PRIM2: variants seen among roughly 807,000 people sequenced by gnomAD.
PRIM2 encodes the protein DNA primase subunit 2, also known as DNA primase large subunit.
In PRIM2, 39 loss-of-function variants were observed where a neutral mutation model predicts 67.3. The observed-to-expected ratio is 0.58, with a 90% CI of 0.45 to 0.76. The LOEUF (loss-of-function observed/expected upper bound fraction) is 0.76. Ranked by LOEUF, PRIM2 falls within the 30% of genes least tolerant of loss-of-function variation. The probability of loss-of-function intolerance (pLI) is 0.00; values close to 1 mark genes in which losing one functional copy is unlikely to be tolerated. For missense variants in PRIM2, 398 were observed against 598.7 expected, an observed-to-expected ratio of 0.66 and a Z score of 3.50; for synonymous variants, 143 against 198.7, an observed-to-expected ratio of 0.72 and a Z score of 2.36.
intron 5 of PRIM2, among the ~76,000 whole-genome samples, chr6:57,341,877 G>C (rs1015825061): frequency 6.6e-6 from 1 of 152,188 alleles, no homozygotes; most frequent in African/African-American, 2.4e-5. Flanking sequence ...ACAGAAGCTG[G>C]ATTGTTGGCA....
chr6:57,399,757 A>C (rs1770643080), intron 7 of PRIM2, among the ~76,000 whole-genome samples: 2 of 151,216 alleles, frequency 1.3e-5, no homozygotes, highest in Non-Finnish European at 3.0e-5. Flanking sequence ...ATGGTATCTC[A>C]TTGTGGTTTT....
intron 6 of PRIM2, 58 bp downstream of exon 6, chr6:57,380,054 A>G (rs1450254244): frequency 3.6e-6 from 5 of 1,382,334 alleles, no homozygotes; most frequent in Non-Finnish European, 5.0e-6. Flanking sequence ...ATTGAGCTTT[A>G]TATACATATT....
the PRIM2 span, among the ~76,000 whole-genome samples, chr6:57,293,316 C>T: frequency 1.7e-4 from 26 of 152,084 alleles, 1 homozygote; most frequent in Admixed American, 5.2e-4. Flanking sequence ...GAATGGCAAT[C>T]ATGAAAAAGT....
chr6:57,479,871 A>T (rs1773572613), intron 7 of PRIM2, among the ~76,000 whole-genome samples: 3 of 152,226 alleles, frequency 2.0e-5, no homozygotes, highest in Admixed American at 2.0e-4. Context: ...TGAAGTCTGA[A>T]GGGAAGCTAA....
chr6:57,633,337 G>T (rs1777065501), intron 13 of PRIM2, among the ~76,000 whole-genome samples: 1 of 152,144 alleles, frequency 6.6e-6, no homozygotes, highest in African/African-American at 2.4e-5. Flanking sequence ...TATTTTTCCA[G>T]AGTCCATGTT....
chr6:57,380,001 G>A lies in PRIM2; in HGVS notation c.555+5G>A, dbSNP rs868623497. 1.3e-6 allele frequency: 2 copies of A among 1,545,464 alleles called. No individual in the cohort carries two copies. Among genetic ancestry groups the A allele is most frequent in the African/African-American group, 2.7e-5 (2 of 72,750 alleles). On this transcript the variant is annotated splice_donor_5th_base_variant and intron_variant, in intron 6 of 13. Coordinates refer to ENST00000615550, the MANE Select transcript of PRIM2 (RefSeq NM_000947.5). ...GGGTTCGAGTCCATTTATAAGGTATGTAAACATGTAAAATACTTCCTAGGT... is the reference window on the plus strand; with the variant it reads ...GGGTTCGAGTCCATTTATAAGGTATATAAACATGTAAAATACTTCCTAGGT...
intron 10 of PRIM2, among the ~76,000 whole-genome samples, chr6:57,585,612 C>A (rs1489972368): frequency 1.3e-5 from 2 of 151,994 alleles, no homozygotes; most frequent in African/African-American, 4.8e-5. Flanking sequence ...TGCAGGGATG[C>A]GGAATTTGAT....
At chr6:57,227,896 G>C in the PRIM2 span, among the ~76,000 whole-genome samples, 1 of 152,096 alleles carries the variant, frequency 6.6e-6, no homozygotes, top group African/African-American at 2.4e-5. Context: ...TGTTCTACTT[G>C]TGCTAATACT....
chr6:57,509,422 C>G (rs1342977887), intron 8 of PRIM2, among the ~76,000 whole-genome samples: 1 of 152,224 alleles, frequency 6.6e-6, no homozygotes, highest in Non-Finnish European at 1.5e-5. Flanking sequence ...AATTTTATCT[C>G]TTGAGTATAT....
chr6:57,412,779 A>G (rs2127365246), intron 7 of PRIM2, among the ~76,000 whole-genome samples: 1 of 152,242 alleles, frequency 6.6e-6, no homozygotes, highest in Non-Finnish European at 1.5e-5. Context: ...ATATGGGAAA[A>G]CAAGTTCCTG....
intron 7 of PRIM2, among the ~76,000 whole-genome samples, chr6:57,463,253 A>T (rs1232413372): frequency 6.6e-6 from 1 of 152,206 alleles, no homozygotes; most frequent in Admixed American, 6.5e-5. Context: ...GTGCTTTGGG[A>T]GGCCAAGGCA....
intron 13 of PRIM2, among the ~76,000 whole-genome samples, chr6:57,637,002 A>C (rs1490131602): frequency 6.6e-6 from 1 of 152,148 alleles, no homozygotes; most frequent in East Asian, 1.9e-4. Context: ...CTCATACAGG[A>C]GAGCTCCGGC....
At chr6:57,443,572 A>G (rs1581909793) in intron 7 of PRIM2, among the ~76,000 whole-genome samples, 1 of 152,224 alleles carries the variant, frequency 6.6e-6, no homozygotes, top group Admixed American at 6.5e-5. Flanking sequence ...AATAATGTCT[A>G]TTCTGGTCCC....
chr6:57,524,454 C>T (rs1774698823), intron 8 of PRIM2, among the ~76,000 whole-genome samples: 1 of 152,262 alleles, frequency 6.6e-6, no homozygotes, highest in East Asian at 1.9e-4. Flanking sequence ...GTAATCCCAG[C>T]ACTTTGGGAG....
chr6:57,321,431 A>G lies in PRIM2; in HGVS notation c.258+871A>G, dbSNP rs141511558. Among the ~76,000 whole-genome samples, 690 of 152,272 alleles carry G rather than the reference A, an allele frequency of 4.5e-3. 5 individuals are homozygous for G. The highest frequency in any genetic ancestry group is 5.2e-3 in the Non-Finnish European group (356 of 68,016). ...CATGTGGTGGGAGTAGATTTAGCAG[A>G]AGGTTGGAATCATCAGGAGTAGGTA... On this transcript the variant is annotated intron_variant, in intron 3 of 13. Coordinates refer to ENST00000615550, the MANE Select transcript of PRIM2 (RefSeq NM_000947.5).
At chr6:57,584,662 T>C (rs1237354241) in intron 10 of PRIM2, among the ~76,000 whole-genome samples, 11 of 152,160 alleles carry the variant, frequency 7.2e-5, no homozygotes, top group Non-Finnish European at 1.3e-4. Flanking sequence ...GGAACCTTCA[T>C]AATAGGTGAA....
At chr6:57,615,254 C>CA (rs1381476034) in intron 12 of PRIM2, among the ~76,000 whole-genome samples, 4,963 of 151,552 alleles carry the variant, frequency 0.033, 269 homozygotes, top group African/African-American at 0.11. Flanking sequence ...CCAGTCTCTA[C>CA]AAAAAAATAC....
rs1196895159 is a variant in PRIM2 at position 57,598,940 on chromosome 6, CTTTTTTTT to C, written c.1021-2136_1021-2129del. ...GGGCACAGTCTTGTGTGACTGAGCT[CTTTTTTTT>C]TTTTTTTTTTTTTTTTGAGACGGAG... On this transcript the variant is annotated intron_variant, in intron 10 of 13. Transcript: ENST00000615550. Among the ~76,000 whole-genome samples, 4 of 7,594 alleles carry C rather than the reference CTTTTTTTT, an allele frequency of 5.3e-4. 1 individual carries two copies. The highest frequency in any genetic ancestry group is 1.5e-3 in the African/African-American group (1 of 684). 5.0% of individuals were successfully genotyped at this position (7,594 alleles called of 152,430 possible).
intron 10 of PRIM2, among the ~76,000 whole-genome samples, chr6:57,561,114 T>C (rs1450331055): frequency 1.3e-5 from 2 of 152,230 alleles, no homozygotes; most frequent in Non-Finnish European, 2.9e-5. Flanking sequence ...CTAGTTCTTC[T>C]GGATAACTTG....
Sources: allele counts gnomAD v4.1 joint callset (sites outside exome capture counted in the v4.1 genomes callset), GRCh38; gene constraint gnomAD v4.1.1; transcripts MANE v1.5; gene names NCBI Gene and HGNC (gene_info 2026-07-23, HGNC 2026-07-21).